Variants in LRRIQ3 observed in about 807,000 individuals in gnomAD.
LRRIQ3 encodes leucine rich repeats and IQ motif containing 3, also known as leucine-rich repeat and IQ domain-containing protein 3.
LRRIQ3 carries 75 observed loss-of-function variants against 59.3 expected under a neutral mutation model. The observed-to-expected ratio is 1.26, with a 90% CI of 1.05 to 1.53. LRRIQ3 has a LOEUF of 1.53. LRRIQ3 is among the 40% of genes most tolerant of loss of function. The pLI, the probability that LRRIQ3 is intolerant of heterozygous loss-of-function variation, is 0.00. For synonymous variants in LRRIQ3, 250 were observed against 231.3 expected, an observed-to-expected ratio of 1.08 and a Z score of -0.73; for missense variants, 831 against 710.0, an observed-to-expected ratio of 1.17 and a Z score of -1.94.
intron 7 of LRRIQ3, among the ~76,000 whole-genome samples, chr1:74,037,992 A>C (rs868012935): frequency 6.6e-6 from 1 of 152,324 alleles, no homozygotes; most frequent in African/African-American, 2.4e-5. Context: ...CTAATGTCTA[A>C]GCTGCCTGAG....
intron 3 of LRRIQ3, among the ~76,000 whole-genome samples, chr1:74,165,370 A>G (rs1045595387): frequency 4.2e-4 from 63 of 151,582 alleles, no homozygotes; most frequent in Admixed American, 4.2e-3. Context: ...GATAAATTGT[A>G]TTTCAAATTT....
chr1:74,111,282 AAATATAT>A (rs1646690284), intron 4 of LRRIQ3, among the ~76,000 whole-genome samples: 1 of 152,036 alleles, frequency 6.6e-6, no homozygotes, highest in African/African-American at 2.4e-5. Context: ...ATAAAATACA[AAATATAT>A]AATAAGTAAA....
At chr1:74,118,315 A>C (rs1646805139) in intron 4 of LRRIQ3, among the ~76,000 whole-genome samples, 2 of 152,170 alleles carry the variant, frequency 1.3e-5, no homozygotes, top group South Asian at 2.1e-4. Flanking sequence ...TTTTTGCAAA[A>C]AAAGAAGTTT....
intron 3 of LRRIQ3, among the ~76,000 whole-genome samples, chr1:74,177,268 C>A (rs1458485996): frequency 6.6e-6 from 1 of 152,042 alleles, no homozygotes; most frequent in Non-Finnish European, 1.5e-5. Flanking sequence ...AGCCTCCCAG[C>A]CTACATCTTT....
chr1:74,088,145 G>T (rs1471673175), intron 5 of LRRIQ3, among the ~76,000 whole-genome samples: 1 of 151,734 alleles, frequency 6.6e-6, no homozygotes, highest in East Asian at 1.9e-4. Context: ...TCAGATATTT[G>T]AATATTCTTT....
intron 6 of LRRIQ3, among the ~76,000 whole-genome samples, chr1:74,066,043 G>T (rs549230523): frequency 6.5e-4 from 99 of 151,914 alleles, no homozygotes; most frequent in African/African-American, 2.3e-3. Context: ...AAAATTAGCT[G>T]GGCGTGCTGG....
chr1:74,184,217 T>C (rs1391953766), intron 1 of LRRIQ3, among the ~76,000 whole-genome samples: 1 of 152,230 alleles, frequency 6.6e-6, no homozygotes, highest in East Asian at 1.9e-4. Context: ...AGAAAATTTG[T>C]TGTCAAAATA....
intron 3 of LRRIQ3, 41 bp from the exon 4 acceptor site, chr1:74,155,907 G>T (rs1648295857): frequency 9.2e-7 from 1 of 1,084,130 alleles, no homozygotes; most frequent in Non-Finnish European, 1.3e-6. Flanking sequence ...TATCTTTCAT[G>T]AAAGTATTTT....
At chr1:74,063,286 T>G (rs1654781330) in intron 6 of LRRIQ3, among the ~76,000 whole-genome samples, 2 of 152,094 alleles carry the variant, frequency 1.3e-5, no homozygotes, top group Non-Finnish European at 2.9e-5. Flanking sequence ...CTTTTAAAAT[T>G]TCTTGATTCT....
chr1:74,167,848 G>C (rs1245846530), intron 3 of LRRIQ3, among the ~76,000 whole-genome samples: 1 of 151,502 alleles, frequency 6.6e-6, no homozygotes, highest in East Asian at 1.9e-4. Context: ...ATTCCTCCTT[G>C]ACTAATGGAT....
At chr1:74,057,589 T>A (rs928854471) in intron 6 of LRRIQ3, among the ~76,000 whole-genome samples, 1 of 152,108 alleles carries the variant, frequency 6.6e-6, no homozygotes, top group South Asian at 2.1e-4. Flanking sequence ...ATATAAAAAA[T>A]CTACTCAAAA....
chr1:74,033,935 G>A (rs1653793443), intron 7 of LRRIQ3, among the ~76,000 whole-genome samples: 1 of 151,918 alleles, frequency 6.6e-6, no homozygotes, highest in Non-Finnish European at 1.5e-5. Context: ...GTACAGACAT[G>A]AATATCTTAG....
intron 7 of LRRIQ3, among the ~76,000 whole-genome samples, chr1:74,030,626 A>T (rs1045457544): frequency 6.6e-6 from 1 of 152,196 alleles, no homozygotes; most frequent in African/African-American, 2.4e-5. Flanking sequence ...TGGATTAAAG[A>T]CTTAAATGTT....
At chr1:74,197,027 C>T (rs1275990889) in intron 1 of LRRIQ3, among the ~76,000 whole-genome samples, 3 of 152,160 alleles carry the variant, frequency 2.0e-5, no homozygotes, top group Non-Finnish European at 4.4e-5. Context: ...CTACTTTCTC[C>T]TTTGGTTACT....
chr1:74,068,643 A>G (rs1654934425), intron 6 of LRRIQ3, among the ~76,000 whole-genome samples: 1 of 152,108 alleles, frequency 6.6e-6, no homozygotes, highest in Non-Finnish European at 1.5e-5. Context: ...TATTACATAG[A>G]TACAAAAACA....
At chr1:74,107,143 C>T (rs778314714) in intron 5 of LRRIQ3, among the ~76,000 whole-genome samples, 4 of 151,956 alleles carry the variant, frequency 2.6e-5, no homozygotes, top group Admixed American at 6.6e-5. Flanking sequence ...TCTGTCTCTT[C>T]GCACTTTAGG....
chr1:74,168,806 T>A (rs986186155), intron 3 of LRRIQ3, among the ~76,000 whole-genome samples: 34 of 152,134 alleles, frequency 2.2e-4, no homozygotes, highest in Admixed American at 1.9e-3. Context: ...TAATTATGTA[T>A]GGACATATGT....
chr1:74,119,101 A>G (rs1370933150), intron 4 of LRRIQ3, among the ~76,000 whole-genome samples: 1 of 151,900 alleles, frequency 6.6e-6, no homozygotes, highest in Non-Finnish European at 1.5e-5. Flanking sequence ...CATTACAAAT[A>G]GTATAACACT....
At chr1:74,171,772 A>G (rs974709801) in intron 3 of LRRIQ3, among the ~76,000 whole-genome samples, 4 of 152,154 alleles carry the variant, frequency 2.6e-5, no homozygotes, top group African/African-American at 9.6e-5. Flanking sequence ...TTCTCATTAG[A>G]GAGGAATTTG....
Sources: gnomAD v4.1 joint callset for allele counts (sites outside exome capture counted in the v4.1 genomes callset) on GRCh38, gnomAD v4.1.1 for gene constraint, MANE v1.5 for transcripts, NCBI Gene and HGNC (gene_info 2026-07-23, HGNC 2026-07-21) for gene names.